The following SUMF1 variants were observed in gnomAD, a reference collection of about 807,000 sequenced individuals.
The protein encoded by SUMF1 is formylglycine-generating enzyme.
Under a neutral mutation model 47.6 loss-of-function variants are expected in SUMF1, and 48 were observed. That is an observed-to-expected ratio of 1.01 (90% CI 0.80 to 1.28). SUMF1 has a LOEUF of 1.28. SUMF1 is among the 50% of genes most tolerant of loss of function. SUMF1 has a pLI of 0.00. For synonymous variants in SUMF1, 230 were observed against 192.1 expected (o/e 1.20, Z -1.63); for missense variants, 571 against 485.4 (o/e 1.18, Z -1.66).
chr3:4,200,174 ATTTTT>A (rs35851983), intron 8 of SUMF1, among the ~76,000 whole-genome samples: 3 of 125,910 alleles, frequency 2.4e-5, no homozygotes, highest in African/African-American at 3.0e-5. Flanking sequence ...AAGCATCAAG[ATTTTT>A]TTTTTTTTTT....
At chr3:4,286,812 T>G (rs1251469475) in intron 8 of SUMF1, among the ~76,000 whole-genome samples, 1 of 152,142 alleles carries the variant, frequency 6.6e-6, no homozygotes, top group Non-Finnish European at 1.5e-5. Flanking sequence ...GTACTATAGA[T>G]AAAAATTATG....
chr3:4,455,294 T>TA (rs1703117539), intron 1 of SUMF1, among the ~76,000 whole-genome samples: 1 of 152,198 alleles, frequency 6.6e-6, no homozygotes, highest in Non-Finnish European at 1.5e-5. Flanking sequence ...AACAATTATA[T>TA]ATCTACAAAT....
chr3:4,093,284 T>C (rs868852907), intron 8 of SUMF1, among the ~76,000 whole-genome samples: 1 of 152,240 alleles, frequency 6.6e-6, no homozygotes, highest in Middle Eastern at 3.4e-3. Context: ...CAACTAACAT[T>C]TGTAGATAAC....
chr3:4,198,761 G>A (rs1027272841), intron 8 of SUMF1, among the ~76,000 whole-genome samples: 4 of 151,898 alleles, frequency 2.6e-5, no homozygotes, highest in African/African-American at 7.3e-5. Flanking sequence ...CTCACCCTTC[G>A]CTGGCAACTG....
intron 8 of SUMF1, among the ~76,000 whole-genome samples, chr3:4,193,895 G>A (rs556008723): frequency 5.0e-4 from 76 of 152,126 alleles, no homozygotes; most frequent in African/African-American, 1.2e-3. Flanking sequence ...TAAAAAGTAC[G>A]TAAAACAGTA....
At chr3:4,152,456 C>CTTT (rs1206525272) in intron 8 of SUMF1, among the ~76,000 whole-genome samples, 1 of 145,304 alleles carries the variant, frequency 6.9e-6, no homozygotes, top group South Asian at 2.2e-4. Flanking sequence ...CCCGGATTTG[C>CTTT]TTTTTTTTTT....
chr3:4,213,365 A>G (rs1420957476), intron 8 of SUMF1, among the ~76,000 whole-genome samples: 6 of 152,124 alleles, frequency 3.9e-5, no homozygotes, highest in African/African-American at 1.4e-4. Flanking sequence ...CAAATGCTTT[A>G]AGATTTTGTC....
chr3:4,076,373 C>G (rs1345700793), intron 8 of SUMF1, among the ~76,000 whole-genome samples: 2 of 152,078 alleles, frequency 1.3e-5, no homozygotes, highest in African/African-American at 4.8e-5. Context: ...AAATGTAAGA[C>G]CTAAAACCAT....
At chr3:4,328,022 C>G (rs749874738) in intron 8 of SUMF1, among the ~76,000 whole-genome samples, 1 of 152,074 alleles carries the variant, frequency 6.6e-6, no homozygotes, top group Non-Finnish European at 1.5e-5. Context: ...TCAAGACCAG[C>G]TTGTGCTACA....
chr3:4,394,613 C>A (rs1397053854), intron 7 of SUMF1, among the ~76,000 whole-genome samples: 2 of 152,204 alleles, frequency 1.3e-5, no homozygotes, highest in East Asian at 1.9e-4. Flanking sequence ...TCCCAGAATT[C>A]TCTTCCCTTT....
At chr3:4,081,458 A>T (rs1037732809) in intron 8 of SUMF1, among the ~76,000 whole-genome samples, 2 of 152,120 alleles carry the variant, frequency 1.3e-5, no homozygotes, top group Non-Finnish European at 2.9e-5. Context: ...TTCATTCATC[A>T]GCTCTTTACA....
chr3:4,053,386 T>A (rs1319584216), intron 9 of SUMF1, among the ~76,000 whole-genome samples: 6 of 152,154 alleles, frequency 3.9e-5, no homozygotes, highest in Admixed American at 3.9e-4. Context: ...AAGTCTTAAA[T>A]ATTGTGAAAA....
intron 8 of SUMF1, among the ~76,000 whole-genome samples, chr3:4,133,362 T>G (rs1453359812): frequency 6.6e-6 from 1 of 152,078 alleles, no homozygotes; most frequent in Admixed American, 6.6e-5. Flanking sequence ...TATTTGAAAA[T>G]TATGTATGAT....
At chr3:4,420,705 A>G (rs1701871013) in intron 3 of SUMF1, among the ~76,000 whole-genome samples, 1 of 151,774 alleles carries the variant, frequency 6.6e-6, no homozygotes, top group East Asian at 1.9e-4. Context: ...CTCTGTAAGA[A>G]TTTTTAAAAA....
At chr3:4,425,756 A>G (rs1187269193) in intron 3 of SUMF1, among the ~76,000 whole-genome samples, 2 of 152,210 alleles carry the variant, frequency 1.3e-5, no homozygotes, top group African/African-American at 4.8e-5. Flanking sequence ...TAATAAAGAC[A>G]TACCTGAAAC....
intron 7 of SUMF1, among the ~76,000 whole-genome samples, chr3:4,377,670 T>C (rs1700371984): frequency 6.6e-6 from 1 of 152,086 alleles, no homozygotes; most frequent in Non-Finnish European, 1.5e-5. Flanking sequence ...TCAAAGGAAA[T>C]GAAAATCCTA....
chr3:4,135,458 T>G (rs1351505823), intron 8 of SUMF1, among the ~76,000 whole-genome samples: 1 of 148,126 alleles, frequency 6.8e-6, no homozygotes, highest in Non-Finnish European at 1.5e-5. Flanking sequence ...AAATTAGGTA[T>G]TGATGGGATG....
In SUMF1 at chr3:4,231,143, G is replaced by T. The variant is rs553535100; in HGVS notation, c.1014+145187C>A. 1.5e-3 allele frequency among the ~76,000 whole-genome samples: 227 copies of T among 152,204 alleles called. 2 individuals carry two copies. The highest frequency in any genetic ancestry group is 0.01 in the Middle Eastern group (3 of 294). On this transcript the variant is annotated intron_variant and NMD_transcript_variant, in intron 8 of 12. Coordinates refer to the SUMF1 transcript ENST00000448413. ...AAGCGAAATTTTCCAGCCTGGAACT[G>T]ACTACAGAGCTGGCCTGCTAATAGC...
chr3:4,395,932 T>C (rs1380001184), intron 7 of SUMF1, among the ~76,000 whole-genome samples: 2 of 152,218 alleles, frequency 1.3e-5, no homozygotes, highest in African/African-American at 4.8e-5. Flanking sequence ...TTGGATATTG[T>C]TTTCTATATT....
Sources: allele counts gnomAD v4.1 joint callset (sites outside exome capture counted in the v4.1 genomes callset), GRCh38; gene constraint gnomAD v4.1.1; transcripts MANE v1.5; gene names NCBI Gene and HGNC (gene_info 2026-07-23, HGNC 2026-07-21).